The following LSAMP variants were observed in gnomAD, a reference collection of about 807,000 sequenced individuals.
LSAMP encodes the protein limbic system associated membrane protein, also known as limbic system-associated membrane protein.
In LSAMP, 7 loss-of-function variants were observed where a neutral mutation model predicts 38.6. That is an observed-to-expected ratio of 0.18 (90% CI 0.10 to 0.34). The LOEUF (loss-of-function observed/expected upper bound fraction) is 0.34, where lower values mean the gene tolerates loss of function less well. Among genes scored for constraint, LSAMP ranks in the 10% least tolerant of loss-of-function variants. The pLI is 1.00. For missense variants in LSAMP, 313 were observed against 420.0 expected (o/e 0.75, Z 2.23); for synonymous variants, 154 against 166.8 (o/e 0.92, Z 0.59).
chr3:115,865,530 G>A (rs987638258), intron 3 of LSAMP, among the ~76,000 whole-genome samples: 35 of 152,132 alleles, frequency 2.3e-4, no homozygotes, highest in African/African-American at 8.2e-4. Context: ...ATAGTATCCA[G>A]ATGTGATCAG....
intron 1 of LSAMP, among the ~76,000 whole-genome samples, chr3:116,379,105 T>C (rs945637449): frequency 6.6e-6 from 1 of 152,014 alleles, no homozygotes; most frequent in Admixed American, 6.6e-5. Context: ...AATGCTGTTG[T>C]CTTTCAAGGT....
Position 116,138,680 on chromosome 3 carries a change from A to C in LSAMP, c.156-52124T>G, listed in dbSNP as rs553126271. 1.1e-4 allele frequency among the ~76,000 whole-genome samples: 17 copies of C among 152,188 alleles called. 1 individual carries two copies. In the South Asian group the frequency reaches 3.5e-3, roughly 31 times the overall value. On this transcript the variant is annotated intron_variant, in intron 1 of 6. Transcript: ENST00000490035. ...AGGGATCAGTCACAAAGTGAAGATA[A>C]AACACTTTCAGAAGCATGTATTTAA...
intron 1 of LSAMP, among the ~76,000 whole-genome samples, chr3:116,373,618 A>G (rs1466053537): frequency 1.3e-5 from 2 of 151,888 alleles, no homozygotes; most frequent in African/African-American, 4.8e-5. Flanking sequence ...TAAAAATTGG[A>G]AAAAAGTTAT....
At chr3:116,062,079 T>C (rs1941603725) in intron 2 of LSAMP, among the ~76,000 whole-genome samples, 1 of 152,224 alleles carries the variant, frequency 6.6e-6, no homozygotes, top group Admixed American at 6.5e-5. Flanking sequence ...TTAAAAAACA[T>C]GTTCATAAAC....
At position 115,942,502 on chromosome 3, in the gene LSAMP, T is replaced by C. The variant is rs1937956972; in HGVS notation, c.514+77013A>G. ...CACTGTGGAGTGAAAAATAAGTACTTTAAGAGACTACAAATGTGAGAAAAG... is the reference window on the plus strand; with the variant it reads ...CACTGTGGAGTGAAAAATAAGTACTCTAAGAGACTACAAATGTGAGAAAAG... On this transcript the variant is annotated intron_variant, in intron 3 of 6. Coordinates refer to ENST00000490035, the MANE Select transcript of LSAMP (RefSeq NM_002338.5). 2.0e-5 allele frequency among the ~76,000 whole-genome samples: 3 copies of C among 152,150 alleles called. No homozygotes were observed. In the South Asian group the frequency reaches 6.2e-4, roughly 32 times the overall value.
At chr3:116,297,345 C>T (rs2047349964) in intron 1 of LSAMP, among the ~76,000 whole-genome samples, 1 of 152,134 alleles carries the variant, frequency 6.6e-6, no homozygotes, top group Admixed American at 6.5e-5. Flanking sequence ...CAAAGAAATT[C>T]ACCCTAGATA....
At chr3:116,105,335 A>G (rs958192200) in intron 1 of LSAMP, among the ~76,000 whole-genome samples, 1 of 152,300 alleles carries the variant, frequency 6.6e-6, no homozygotes, top group South Asian at 2.1e-4. Context: ...CCAGCAGTCT[A>G]CTGACTGCCA....
At chr3:116,343,538 T>C (rs2048024391) in intron 1 of LSAMP, among the ~76,000 whole-genome samples, 1 of 152,144 alleles carries the variant, frequency 6.6e-6, no homozygotes. Context: ...GCAGCCAGTT[T>C]AGCCAAACAT....
intron 2 of LSAMP, among the ~76,000 whole-genome samples, chr3:116,059,390 G>A (rs1941550769): frequency 1.3e-5 from 2 of 152,018 alleles, no homozygotes; most frequent in Admixed American, 1.3e-4. Flanking sequence ...TGCTTCTTTT[G>A]GAACCCCCTT....
intron 3 of LSAMP, among the ~76,000 whole-genome samples, chr3:116,004,690 A>G (rs1467071928): frequency 6.6e-6 from 1 of 151,826 alleles, no homozygotes; most frequent in African/African-American, 2.4e-5. Context: ...TTTTTATACT[A>G]TTTCTTGCCC....
intron 3 of LSAMP, among the ~76,000 whole-genome samples, chr3:115,943,258 T>C (rs923189050): frequency 2.0e-4 from 31 of 152,120 alleles, no homozygotes; most frequent in Non-Finnish European, 7.4e-5. Flanking sequence ...TGAGTTACTT[T>C]ATGGGTCTAT....
intron 1 of LSAMP, among the ~76,000 whole-genome samples, chr3:116,248,255 T>C (rs1373514333): frequency 6.6e-6 from 1 of 152,162 alleles, no homozygotes; most frequent in Non-Finnish European, 1.5e-5. Flanking sequence ...AATAGAATCT[T>C]ACCTTTCAGG....
At position 116,107,401 on chromosome 3, in the gene LSAMP, C is replaced by T. The variant is rs36094672; in HGVS notation, c.156-20845G>A. 9.8e-3 allele frequency among the ~76,000 whole-genome samples: 1,494 copies of T among 152,292 alleles called. 13 individuals are homozygous for T. The highest frequency in any genetic ancestry group is 0.017 in the Non-Finnish European group (1,182 of 68,024). ...AAAAGTATTAAAGCAGTGGCAGCCG[C>T]TGCACGCAGACATGAGGGCTAGGCT... On this transcript the variant is annotated intron_variant, in intron 1 of 6. Coordinates refer to ENST00000490035, the MANE Select transcript of LSAMP (RefSeq NM_002338.5).
chr3:116,086,756 A>T (rs1707997361), intron 1 of LSAMP, among the ~76,000 whole-genome samples, 200 bp from the exon 2 acceptor site: 1 of 152,222 alleles, frequency 6.6e-6, no homozygotes, highest in Non-Finnish European at 1.5e-5. Flanking sequence ...GGATGTCATT[A>T]TATTAGACTC....
intron 3 of LSAMP, among the ~76,000 whole-genome samples, chr3:115,887,869 C>T (rs780732436): frequency 1.3e-5 from 2 of 151,768 alleles, no homozygotes; most frequent in Non-Finnish European, 2.9e-5. Flanking sequence ...ACTTAAAGAC[C>T]GCAGAATGAA....
At chr3:116,397,008 C>T (rs866476169) in intron 1 of LSAMP, among the ~76,000 whole-genome samples, 4 of 152,302 alleles carry the variant, frequency 2.6e-5, no homozygotes, top group Middle Eastern at 6.8e-3. Flanking sequence ...GATTACAATG[C>T]CATCACAATA....
intron 1 of LSAMP, among the ~76,000 whole-genome samples, chr3:116,388,390 C>A (rs1266548562): frequency 6.6e-6 from 1 of 152,120 alleles, no homozygotes; most frequent in African/African-American, 2.4e-5. Flanking sequence ...CAGCTCTGCT[C>A]AATTTACACC....
chr3:116,219,366 G>C (rs765327343), intron 1 of LSAMP, among the ~76,000 whole-genome samples: 8 of 152,176 alleles, frequency 5.3e-5, no homozygotes, highest in East Asian at 1.9e-4. Context: ...TGGACATTTA[G>C]TTTGTTTCTA....
At chr3:116,247,360 C>T (rs1030023714) in intron 1 of LSAMP, among the ~76,000 whole-genome samples, 2 of 152,126 alleles carry the variant, frequency 1.3e-5, no homozygotes, top group Admixed American at 1.3e-4. Context: ...CAATATGTAC[C>T]TGTCACACGG....
Sources: gnomAD v4.1 joint callset for allele counts (sites outside exome capture counted in the v4.1 genomes callset) on GRCh38, gnomAD v4.1.1 for gene constraint, MANE v1.5 for transcripts, NCBI Gene and HGNC (gene_info 2026-07-23, HGNC 2026-07-21) for gene names.